IL1RAPL1: variants seen among roughly 807,000 people sequenced by gnomAD.
The protein encoded by IL1RAPL1 is interleukin-1 receptor accessory protein-like 1.
IL1RAPL1 carries 3 observed loss-of-function variants against 48.4 expected under a neutral mutation model. The observed-to-expected ratio is 0.06, with a 90% CI of 0.03 to 0.16. The LOEUF (loss-of-function observed/expected upper bound fraction) is 0.16, where lower values mean the gene tolerates loss of function less well. IL1RAPL1 is among the 10% of genes least tolerant of loss of function. The pLI, the probability that IL1RAPL1 is intolerant of heterozygous loss-of-function variation, is 1.00. For synonymous variants in IL1RAPL1, 185 were observed against 187.7 expected (o/e 0.99, Z 0.12); for missense variants, 349 against 530.6 (o/e 0.66, Z 3.36).
chrX:29,615,901 G>A (rs1271950659), intron 5 of IL1RAPL1, among the ~76,000 whole-genome samples: 1 of 111,527 alleles, frequency 9.0e-6, no homozygotes, highest in Non-Finnish European at 1.9e-5. Context: ...GGCAGCCTAG[G>A]ATTCTTATCT....
chrX:29,671,085 C>T (rs1404359812), intron 6 of IL1RAPL1, among the ~76,000 whole-genome samples: 1 of 112,141 alleles, frequency 8.9e-6, no homozygotes, highest in Non-Finnish European at 1.9e-5. Context: ...AGTTAAGTTA[C>T]ACACGTATCC....
chrX:29,866,450 C>A (rs1931697562), intron 6 of IL1RAPL1, among the ~76,000 whole-genome samples: 1 of 110,545 alleles, frequency 9.0e-6, no homozygotes, highest in Admixed American at 9.7e-5. Context: ...TATAAAGACG[C>A]TCTTTTATTA....
chrX:29,291,296 G>A (rs966756547), intron 3 of IL1RAPL1, among the ~76,000 whole-genome samples: 5 of 111,703 alleles, frequency 4.5e-5, no homozygotes, highest in South Asian at 3.8e-4. Context: ...TGGGGGCTGC[G>A]GATAGGAGAT....
chrX:28,733,879 T>C (rs1395053101), intron 1 of IL1RAPL1, among the ~76,000 whole-genome samples: 1 of 111,947 alleles, frequency 8.9e-6, no homozygotes, highest in Non-Finnish European at 1.9e-5. Context: ...TTATAGACAC[T>C]TAAAATTTAA....
chrX:29,058,827 A>G (rs1927281368), intron 2 of IL1RAPL1, among the ~76,000 whole-genome samples: 1 of 111,956 alleles, frequency 8.9e-6, no homozygotes, highest in Non-Finnish European at 1.9e-5. Context: ...GACTCTCTTC[A>G]GCTCATAGTT....
chrX:29,885,944 G>C (rs184464950), intron 6 of IL1RAPL1, among the ~76,000 whole-genome samples: 113 of 112,348 alleles, frequency 1.0e-3, no homozygotes, highest in Non-Finnish European at 1.9e-3. Context: ...TTTTTTACAA[G>C]TAACATTTGT....
At chrX:28,912,563 T>C (rs1001540322) in intron 2 of IL1RAPL1, among the ~76,000 whole-genome samples, 1 of 110,968 alleles carries the variant, frequency 9.0e-6, no homozygotes, top group African/African-American at 3.3e-5. Flanking sequence ...TAACTATAGA[T>C]GTATGAGTGT....
intron 6 of IL1RAPL1, among the ~76,000 whole-genome samples, chrX:29,844,182 G>A (rs1279102285): frequency 8.9e-6 from 1 of 111,889 alleles, no homozygotes; most frequent in Non-Finnish European, 1.9e-5. Flanking sequence ...TATATGTCAG[G>A]CAATGTTCTA....
At chrX:29,605,071 AAC>A (rs757087732) in intron 5 of IL1RAPL1, among the ~76,000 whole-genome samples, 11,633 of 64,715 alleles carry the variant, frequency 0.18, 1,025 homozygotes, top group Non-Finnish European at 0.23. Flanking sequence ...CTAAGTCTTA[AAC>A]ACACACACAC....
intron 3 of IL1RAPL1, among the ~76,000 whole-genome samples, chrX:29,353,685 G>T (rs190303702): frequency 9.0e-6 from 1 of 111,025 alleles, no homozygotes; most frequent in African/African-American, 3.3e-5. Context: ...TTTTACATCA[G>T]ACTTTTCCCC....
intron 6 of IL1RAPL1, among the ~76,000 whole-genome samples, chrX:29,761,900 T>G (rs1323662025): frequency 8.9e-6 from 1 of 111,905 alleles, no homozygotes; most frequent in East Asian, 2.8e-4. Flanking sequence ...ACTGTATGTC[T>G]CCAGTAATTT....
At chrX:29,071,296 C>T (rs1375943198) in intron 2 of IL1RAPL1, among the ~76,000 whole-genome samples, 1 of 110,998 alleles carries the variant, frequency 9.0e-6, no homozygotes, top group East Asian at 2.8e-4. Context: ...CAACATAGGC[C>T]ACAAGGATGA....
chrX:28,989,229 A>G (rs981697617), intron 2 of IL1RAPL1, among the ~76,000 whole-genome samples: 92 of 112,437 alleles, frequency 8.2e-4, no homozygotes, highest in African/African-American at 2.8e-3. Context: ...CACAAGGCCA[A>G]GGTTTTGTGA....
At chrX:28,600,266 A>G (rs1352875950) in intron 1 of IL1RAPL1, among the ~76,000 whole-genome samples, 1 of 111,836 alleles carries the variant, frequency 8.9e-6, no homozygotes, top group Non-Finnish European at 1.9e-5. Context: ...GCCTTGCTCT[A>G]TGTAGTTTTG....
At chrX:28,891,100 A>G (rs1922758885) in intron 2 of IL1RAPL1, among the ~76,000 whole-genome samples, 1 of 111,972 alleles carries the variant, frequency 8.9e-6, no homozygotes, top group Admixed American at 9.5e-5. Flanking sequence ...GCAAATGCAG[A>G]CAGGATTCAT....
At chrX:29,615,956 C>T (rs1924273142) in intron 5 of IL1RAPL1, among the ~76,000 whole-genome samples, 1 of 111,221 alleles carries the variant, frequency 9.0e-6, no homozygotes, top group Non-Finnish European at 1.9e-5. Context: ...CTTGATCTCA[C>T]TGCTAGATTG....
At chrX:29,333,305 G>A (rs753488918) in intron 3 of IL1RAPL1, among the ~76,000 whole-genome samples, 2,226 of 106,982 alleles carry the variant, frequency 0.021, 39 homozygotes, top group African/African-American at 0.073. Context: ...CCTCCCGGAC[G>A]GGGCGGTTGG....
At chrX:29,333,464 T>C (rs1430130987) in intron 3 of IL1RAPL1, among the ~76,000 whole-genome samples, 9 of 54,223 alleles carry the variant, frequency 1.7e-4, no homozygotes, top group African/African-American at 2.8e-4. Context: ...GGCTCCTCAC[T>C]TCCCAGTAGG....
intron 6 of IL1RAPL1, among the ~76,000 whole-genome samples, chrX:29,747,930 T>TC (rs758700352): frequency 8.8e-4 from 98 of 111,848 alleles, no homozygotes; most frequent in Non-Finnish European, 1.7e-3. Context: ...CTTGTTTTTC[T>TC]CCCCCAATCT....
Sources: gnomAD v4.1 joint callset for allele counts (sites outside exome capture counted in the v4.1 genomes callset) on GRCh38, gnomAD v4.1.1 for gene constraint, MANE v1.5 for transcripts, NCBI Gene and HGNC (gene_info 2026-07-23, HGNC 2026-07-21) for gene names.